The following ICA1 variants were observed in gnomAD, a reference collection of about 807,000 sequenced individuals.
The protein encoded by ICA1 is 69 kDa islet cell autoantigen.
Under a neutral mutation model 71.0 loss-of-function variants are expected in ICA1, and 40 were observed. The ratio of observed to expected loss-of-function variants is 0.56; its 90% CI spans 0.44 to 0.73. The LOEUF is 0.73. Ranked by LOEUF, ICA1 falls within the 30% of genes least tolerant of loss-of-function variation. The pLI is 0.00. For missense variants in ICA1, 578 were observed against 576.5 expected (o/e 1.00, Z -0.03); for synonymous variants, 207 against 209.5 (o/e 0.99, Z 0.10).
At chr7:8,153,437 T>C (rs1299509543) in intron 8 of ICA1, among the ~76,000 whole-genome samples, 1 of 151,942 alleles carries the variant, frequency 6.6e-6, no homozygotes, top group Non-Finnish European at 1.5e-5. Context: ...AGAGGGAAAA[T>C]GGTCACTGAT....
intron 7 of ICA1, 144 bp downstream of exon 7, chr7:8,158,383 A>G (rs1802488976): frequency 2.1e-6 from 2 of 949,614 alleles, no homozygotes; most frequent in African/African-American, 1.6e-5. Context: ...GGGCCCTAGA[A>G]GGCAGAGATG....
At chr7:8,116,350 A>G (rs1337786544) in intron 13 of ICA1, 1 of 152,242 alleles carries the variant, frequency 6.6e-6, no homozygotes, top group Non-Finnish European at 1.5e-5. Flanking sequence ...AGAGCATATC[A>G]GATCTAGTGA....
intron 6 of ICA1, among the ~76,000 whole-genome samples, chr7:8,169,179 G>GTT (rs1398230246): frequency 1.3e-5 from 2 of 152,078 alleles, no homozygotes; most frequent in Non-Finnish European, 2.9e-5. Flanking sequence ...GATAAGTGTT[G>GTT]TTGCATGTAT....
intron 4 of ICA1, among the ~76,000 whole-genome samples, chr7:8,225,457 A>G (rs967290794): frequency 6.6e-6 from 1 of 152,214 alleles, no homozygotes; most frequent in Non-Finnish European, 1.5e-5. Context: ...CTAGTGCTAC[A>G]AACAATATAG....
rs1329685968 is a variant in ICA1, at chr7:8,221,266, G to A, written c.380+9C>T. The stretch of plus-strand genomic sequence containing the variant: ...CCCCCCAGATAGAACCCCACTAAAG[G>A]CCACACACCTTTGCTGGGAAGAAAA... On this transcript the variant is annotated intron_variant, in intron 5 of 13. Transcript: ENST00000402384. The A allele has an allele frequency of 3.1e-6, 5 of 1,613,190 alleles. No homozygotes were observed. Among genetic ancestry groups the A allele is most frequent in the Middle Eastern group, 3.3e-4 (2 of 6,018 alleles).
At chr7:8,196,058 T>C (rs957051396) in intron 6 of ICA1, among the ~76,000 whole-genome samples, 1 of 152,134 alleles carries the variant, frequency 6.6e-6, no homozygotes, top group Non-Finnish European at 1.5e-5. Context: ...AACCTATACA[T>C]GAATGTTTAC....
chr7:8,121,273 C>T (rs1323694954), intron 13 of ICA1, among the ~76,000 whole-genome samples: 3 of 152,180 alleles, frequency 2.0e-5, no homozygotes, highest in Non-Finnish European at 4.4e-5. Flanking sequence ...CACTTCTTGC[C>T]TGCCATCCAG....
chr7:8,115,847 C>T (rs962495029), intron 13 of ICA1, among the ~76,000 whole-genome samples: 8 of 152,210 alleles, frequency 5.3e-5, no homozygotes, highest in African/African-American at 1.9e-4. Context: ...CCTCTTTTGA[C>T]AACTATGAAA....
intron 8 of ICA1, among the ~76,000 whole-genome samples, chr7:8,145,255 G>C (rs1441011018): frequency 6.6e-6 from 1 of 152,058 alleles, no homozygotes; most frequent in Non-Finnish European, 1.5e-5. Flanking sequence ...CAATTTTGAA[G>C]ATCTTCTAAA....
Position 8,185,656 on chromosome 7 carries a change from G to A in ICA1, c.580-27004C>T, listed in dbSNP as rs542299867. ...AAAGGTTAAGAGCATGCTCTTTGAA[G>A]TCAGAGAAATTTGGGCTCGAATGTT... On this transcript the variant is annotated intron_variant, in intron 6 of 13. Coordinates refer to ENST00000402384, the MANE Select transcript of ICA1 (RefSeq NM_001136020.3). Among the ~76,000 whole-genome samples the A allele has an allele frequency of 5.3e-4, 81 of 152,330 alleles. 2 individuals are homozygous for A. In the South Asian group the frequency reaches 0.016, roughly 30 times the overall value.
chr7:8,221,933 C>T (rs189398553), intron 4 of ICA1, among the ~76,000 whole-genome samples: 6 of 152,102 alleles, frequency 3.9e-5, no homozygotes, highest in Admixed American at 2.0e-4. Context: ...AGGTTGATGA[C>T]AGTGGGTTTT....
At chr7:8,257,166 C>T (rs1177500319) in intron 1 of ICA1, among the ~76,000 whole-genome samples, 1 of 152,198 alleles carries the variant, frequency 6.6e-6, no homozygotes, top group South Asian at 2.1e-4. Flanking sequence ...TGCTACTGTG[C>T]ACAACAAAAC....
chr7:8,246,406 TGAG>T (rs1563188039), intron 1 of ICA1, among the ~76,000 whole-genome samples: 5 of 152,176 alleles, frequency 3.3e-5, no homozygotes, highest in African/African-American at 1.2e-4. Flanking sequence ...AATGAGTTGG[TGAG>T]GAGGAGGCTC....
chr7:8,151,893 T>C (rs755182534), intron 8 of ICA1, among the ~76,000 whole-genome samples: 205 of 152,240 alleles, frequency 1.3e-3, no homozygotes, highest in Non-Finnish European at 2.5e-3. Context: ...CATGGGTACA[T>C]CTGTTTCAAT....
At chr7:8,141,271 G>A (rs143125538) in intron 10 of ICA1, among the ~76,000 whole-genome samples, 136 of 152,302 alleles carry the variant, frequency 8.9e-4, no homozygotes, top group Admixed American at 1.4e-3. Context: ...TTCACCTGAG[G>A]GATCAGGGGT....
chr7:8,220,000 T>C (rs1041669667), intron 5 of ICA1, among the ~76,000 whole-genome samples: 1 of 152,228 alleles, frequency 6.6e-6, no homozygotes, highest in Non-Finnish European at 1.5e-5. Context: ...AGAAAGTATC[T>C]ATTAAGAGGT....
At chr7:8,161,485 A>G (rs1278202553) in intron 6 of ICA1, among the ~76,000 whole-genome samples, 1 of 152,178 alleles carries the variant, frequency 6.6e-6, no homozygotes, top group Non-Finnish European at 1.5e-5. Context: ...TCTGACTCTG[A>G]GCTCGGCCAT....
chr7:8,167,406 A>C (rs1806434959), intron 6 of ICA1, among the ~76,000 whole-genome samples: 1 of 152,238 alleles, frequency 6.6e-6, no homozygotes, highest in Non-Finnish European at 1.5e-5. Context: ...TCTCACCTAG[A>C]GTAGAAGCTA....
At chr7:8,175,448 A>G (rs1780289441) in intron 6 of ICA1, among the ~76,000 whole-genome samples, 1 of 152,222 alleles carries the variant, frequency 6.6e-6, no homozygotes, top group Non-Finnish European at 1.5e-5. Flanking sequence ...ATCTCTGCTG[A>G]ATTTATAGGA....
Sources: allele counts gnomAD v4.1 joint callset (sites outside exome capture counted in the v4.1 genomes callset), GRCh38; gene constraint gnomAD v4.1.1; transcripts MANE v1.5; gene names NCBI Gene and HGNC (gene_info 2026-07-23, HGNC 2026-07-21).